The following GTF2IRD1 variants were observed in gnomAD, a reference collection of about 807,000 sequenced individuals.
GTF2IRD1 encodes GTF2I repeat domain containing 1.
Under a neutral mutation model 113.2 loss-of-function variants are expected in GTF2IRD1, and 26 were observed. The ratio of observed to expected loss-of-function variants is 0.23; its 90% CI spans 0.17 to 0.32. GTF2IRD1 has a LOEUF of 0.32. GTF2IRD1 is among the 10% of genes least tolerant of loss of function. The pLI is 1.00. For missense variants in GTF2IRD1, 864 were observed against 1,280.8 expected (o/e 0.67, Z 4.97); for synonymous variants, 484 against 529.1 (o/e 0.91, Z 1.17).
At chr7:74,520,848 T>C (rs1457104745) in intron 6 of GTF2IRD1, among the ~76,000 whole-genome samples, 1 of 79,706 alleles carries the variant, frequency 1.3e-5, no homozygotes, top group African/African-American at 5.2e-5. Flanking sequence ...TATACTATTA[T>C]TATTATTATT....
At chr7:74,581,886 A>G (rs1801440059) in intron 22 of GTF2IRD1, among the ~76,000 whole-genome samples, 1 of 152,206 alleles carries the variant, frequency 6.6e-6, no homozygotes, top group Non-Finnish European at 1.5e-5. Context: ...ACACACCTGT[A>G]GCACCAGCTA....
chr7:74,491,602 G>C (rs1795350706), intron 1 of GTF2IRD1, among the ~76,000 whole-genome samples: 1 of 151,998 alleles, frequency 6.6e-6, no homozygotes, highest in African/African-American at 2.4e-5. Context: ...TCTTGTGTTA[G>C]TTTGCTAAGG....
intron 17 of GTF2IRD1, among the ~76,000 whole-genome samples, chr7:74,549,257 C>T (rs1480077973): frequency 1.2e-4 from 17 of 147,070 alleles, no homozygotes; most frequent in African/African-American, 3.0e-4. Context: ...GAGCTGAGAT[C>T]GTACCACGAC....
intron 15 of GTF2IRD1, 67 bp from the exon 16 acceptor site, chr7:74,545,677 C>A: frequency 5.8e-6 from 7 of 1,202,178 alleles, no homozygotes; most frequent in Admixed American, 1.7e-5. Flanking sequence ...TTGGTACCAG[C>A]AGAGCAGGAA....
At chr7:74,523,095 T>C (rs1797384850) in intron 7 of GTF2IRD1, among the ~76,000 whole-genome samples, 1 of 152,174 alleles carries the variant, frequency 6.6e-6, no homozygotes, top group South Asian at 2.1e-4. Context: ...GGTAGGCACC[T>C]GTAGTCGCAG....
chr7:74,520,769 CAAAAAAA>C (rs1156355118), intron 6 of GTF2IRD1, among the ~76,000 whole-genome samples: 5 of 48,490 alleles, frequency 1.0e-4, no homozygotes, highest in Admixed American at 5.0e-4. Flanking sequence ...CTATCTCTAC[CAAAAAAA>C]AAAAAAAAAA....
intron 25 of GTF2IRD1, among the ~76,000 whole-genome samples, chr7:74,595,412 AAG>A (rs1562902280): frequency 5.3e-5 from 8 of 150,878 alleles, no homozygotes; most frequent in Non-Finnish European, 7.4e-5. Context: ...TCTCGAAAAA[AAG>A]AAAAAAAGAA....
chr7:74,456,963 C>A (rs1299037000), intron 1 of GTF2IRD1, among the ~76,000 whole-genome samples: 2 of 151,982 alleles, frequency 1.3e-5, no homozygotes, highest in Admixed American at 6.6e-5. Flanking sequence ...ATGGTTCCAC[C>A]TTTATATCCC....
chr7:74,541,878 A>T (rs1798653878), intron 14 of GTF2IRD1, among the ~76,000 whole-genome samples: 1 of 151,600 alleles, frequency 6.6e-6, no homozygotes, highest in African/African-American at 2.4e-5. Flanking sequence ...TCCAGCCTGG[A>T]CAACAGAGCG....
chr7:74,546,694 G>C (rs1441379492), intron 16 of GTF2IRD1, among the ~76,000 whole-genome samples: 6 of 152,176 alleles, frequency 3.9e-5, no homozygotes, highest in African/African-American at 1.4e-4. Context: ...CAGCGTGTGG[G>C]GTTGCTTATG....
rs369161542 is a variant in GTF2IRD1 at position 74,529,822 on chromosome 7, G to C, written c.1179G>C (p.Pro393=). 28 of 1,613,698 alleles carry C rather than the reference G, an allele frequency of 1.7e-5. No individual in the cohort carries two copies. The highest frequency in any genetic ancestry group is 1.7e-6 in the Non-Finnish European group (2 of 1,179,904). ...DPEAVEIVGI[P]DKIPFKRPCT... Reference sequence around the variant, plus strand: ...AGGCTGTGGAGATCGTGGGCATCCCGGACAAGATCCCCTTCAAGCGCCCCT... The same window carrying C: ...AGGCTGTGGAGATCGTGGGCATCCCCGACAAGATCCCCTTCAAGCGCCCCT... Residue 393 remains proline (P), a synonymous_variant, in exon 9 of 27, where the codon CCG becomes CCC. Coordinates refer to ENST00000424337, the MANE Select transcript of GTF2IRD1 (RefSeq NM_005685.4).
intron 6 of GTF2IRD1, among the ~76,000 whole-genome samples, chr7:74,520,065 C>T (rs1311708213): frequency 2.4e-5 from 3 of 127,412 alleles, no homozygotes; most frequent in African/African-American, 9.1e-5. Context: ...GCACTCCAGC[C>T]TGGGTGACAG....
At chr7:74,577,591 A>C (rs1801151820) in intron 22 of GTF2IRD1, among the ~76,000 whole-genome samples, 1 of 152,086 alleles carries the variant, frequency 6.6e-6, no homozygotes, top group Admixed American at 6.6e-5. Flanking sequence ...TCAAATTTCC[A>C]AAACTGTCTT....
chr7:74,468,575 C>T (rs532539112), intron 1 of GTF2IRD1, among the ~76,000 whole-genome samples: 31 of 150,156 alleles, frequency 2.1e-4, no homozygotes, highest in Non-Finnish European at 4.1e-4. Context: ...AGGAGAATCA[C>T]TTGAACCTCG....
chr7:74,484,774 G>T (rs535545925), intron 1 of GTF2IRD1, among the ~76,000 whole-genome samples: 2 of 152,198 alleles, frequency 1.3e-5, no homozygotes, highest in East Asian at 1.9e-4. Flanking sequence ...TCCTTTTTAA[G>T]GCTCAGTAAT....
In GTF2IRD1 at chr7:74,545,757, C is replaced by T. The variant is rs200455359; in HGVS notation, c.1680C>T (p.Asp560=). 18 of 1,612,514 alleles carry T rather than the reference C, an allele frequency of 1.1e-5. No homozygotes were observed. Among genetic ancestry groups the T allele is most frequent in the South Asian group, 2.2e-5 (2 of 91,012 alleles). The change falls in exon 16 of 27, where the codon GAC becomes GAT. Residue 560 remains aspartate (D), a synonymous_variant. Coordinates refer to ENST00000424337, the MANE Select transcript of GTF2IRD1 (RefSeq NM_005685.4). ...EERPVEDSHG[D]VIRPLRKQVE... ...TTTGCCTTCCAGACAGCCACGGTGA[C>T]GTGATCCGGCCCCTGCGGAAGCAGG... is the stretch of plus-strand genomic sequence containing the variant.
intron 1 of GTF2IRD1, among the ~76,000 whole-genome samples, chr7:74,497,016 G>A (rs1027121949): frequency 1.3e-5 from 2 of 151,964 alleles, no homozygotes; most frequent in Non-Finnish European, 2.9e-5. Context: ...TTTAAAATTA[G>A]CCAGGCATGG....
chr7:74,499,421 A>AAGGG (rs1795903401), intron 1 of GTF2IRD1, among the ~76,000 whole-genome samples: 1 of 150,664 alleles, frequency 6.6e-6, no homozygotes, highest in Non-Finnish European at 1.5e-5. Flanking sequence ...GGAAGGAAGG[A>AAGGG]AGAGAAGGGA....
Position 74,557,657 on chromosome 7 carries a change from T to G in GTF2IRD1, c.2042T>G (p.Leu681Arg). The G allele has an allele frequency of 6.2e-7, 1 of 1,613,288 alleles. No homozygotes were observed. ...TTTGCAGAAAATTATGACGCGAGGC[T>G]CTCACGGATCGACATCGCCAACACA... is the stretch of plus-strand genomic sequence containing the variant. ...QGFQENYDAR[L>R]SRIDIANTLR... Residue 681 changes from leucine (L) to arginine (R), a missense_variant, in exon 20 of 27, where the codon CTC becomes CGC. Physicochemically the swap from Leu to Arg is moderately radical, Grantham distance 102 (BLOSUM62 -2). Around this residue, in one of 7 missense-constraint regions of GTF2IRD1, gnomAD observed 195 missense variants for 359.1 expected, o/e 0.54. Coordinates refer to ENST00000424337, the MANE Select transcript of GTF2IRD1 (RefSeq NM_005685.4).
Sources: gnomAD v4.1 joint callset for allele counts (sites outside exome capture counted in the v4.1 genomes callset) on GRCh38, gnomAD v4.1.1 for gene constraint, gnomAD v4.1.1 regional missense constraint, MANE v1.5 for transcripts, NCBI Gene and HGNC (gene_info 2026-07-23, HGNC 2026-07-21) for gene names.